Variants in COQ10B observed in about 807,000 individuals in gnomAD.
The protein encoded by COQ10B is coenzyme Q-binding protein COQ10 homolog B, mitochondrial.
A neutral mutation model predicts 27.6 loss-of-function variants in COQ10B; 12 were observed. That is an observed-to-expected ratio of 0.43 (90% CI 0.28 to 0.70). The LOEUF is 0.70. COQ10B is among the 30% of genes least tolerant of loss of function. COQ10B has a pLI of 0.17. For synonymous variants in COQ10B, 115 were observed against 103.0 expected (o/e 1.12, Z -0.71); for missense variants, 278 against 288.7 (o/e 0.96, Z 0.27).
intron 1 of COQ10B, among the ~76,000 whole-genome samples, chr2:197,459,098 T>A (rs2085730337): frequency 6.6e-6 from 1 of 152,238 alleles, no homozygotes; most frequent in Admixed American, 6.5e-5. Flanking sequence ...GACATGTTTT[T>A]ACATATATGC....
intron 3 of COQ10B, among the ~76,000 whole-genome samples, chr2:197,464,942 G>A (rs1286235796): frequency 1.3e-5 from 2 of 148,816 alleles, no homozygotes; most frequent in Non-Finnish European, 3.0e-5. Context: ...GGCGCTTCCA[G>A]TGGCGTGATC....
At chr2:197,464,022 CACACAT>C (rs1553574119) in intron 3 of COQ10B, among the ~76,000 whole-genome samples, 47 of 99,678 alleles carry the variant, frequency 4.7e-4, no homozygotes, top group African/African-American at 1.4e-3. Context: ...CACACACACA[CACACAT>C]ACATACACAC....
rs1451833231 is a variant in COQ10B, at chr2:197,473,635, G to A, written c.550-122G>A. The A allele has an allele frequency of 1.8e-5, 11 of 613,392 alleles. No homozygotes were observed. The East Asian group carries it at 1.9e-4, about 10-fold the overall frequency. 38.0% of individuals were successfully genotyped at this position (613,392 alleles called of 1,614,324 possible). ...CAGGAGGTTGAGGCTGCAGTGAGCC[G>A]CAATTGTGCCACTGCACTCCAACCT... On this transcript the variant is annotated intron_variant, in intron 4 of 4. Transcript: ENST00000263960.
chr2:197,464,082 T>C (rs2564388), intron 3 of COQ10B, among the ~76,000 whole-genome samples: 62,637 of 113,760 alleles, frequency 0.55, 15,100 homozygotes, highest in Middle Eastern at 0.7. Context: ...CACACACACA[T>C]ATATATATAT....
chr2:197,460,031 T>C lies in COQ10B; in HGVS notation c.204T>C (p.Thr68=). The C allele has an allele frequency of 6.2e-7, 1 of 1,611,690 alleles. No individual in the cohort carries two copies. Among genetic ancestry groups the C allele is most frequent in the East Asian group, 2.2e-5 (1 of 44,842 alleles). The change falls in exon 2 of 5, where the codon ACT becomes ACC. Residue 68 remains threonine (T), a synonymous_variant. Transcript: ENST00000263960. ...EICARTFFKI[T]APLINKRKEY... ...GTGCACGAACTTTCTTCAAAATCACTGCACCATTAATAAACAAAAGGAAAG... is the reference window on the plus strand; with the variant it reads ...GTGCACGAACTTTCTTCAAAATCACCGCACCATTAATAAACAAAAGGAAAG...
chr2:197,464,000 C>T (rs74180701), intron 3 of COQ10B, among the ~76,000 whole-genome samples: 4,299 of 78,748 alleles, frequency 0.055, 87 homozygotes, highest in Non-Finnish European at 0.081. Flanking sequence ...TATATATACA[C>T]ACACACACAC....
chr2:197,458,838 A>G (rs1051127856), intron 1 of COQ10B, among the ~76,000 whole-genome samples: 1 of 151,552 alleles, frequency 6.6e-6, no homozygotes, highest in Non-Finnish European at 1.5e-5. Flanking sequence ...CTGCCACCAC[A>G]CTCAGCTAAT....
rs1420158812 is a variant in COQ10B at position 197,474,127 on chromosome 2, T to G, written c.*203T>G. The stretch of plus-strand genomic sequence containing the variant: ...TCTTCAAGTATAATTCAAAATAATA[T>G]GGACATTATCATGTTCTGCATTACA... On this transcript the variant is annotated 3_prime_UTR_variant, in exon 5 of 5. Transcript: ENST00000263960. The G allele has an allele frequency of 2.7e-6, 1 of 367,164 alleles. No homozygotes were observed. The highest frequency in any genetic ancestry group is 4.8e-6 in the Non-Finnish European group (1 of 207,546). The allele number at this position is 367,164 out of a possible 1,614,324, so 22.7% of individuals were successfully genotyped here.
chr2:197,463,992 T>C (rs796227090), intron 3 of COQ10B, among the ~76,000 whole-genome samples: 6,605 of 65,016 alleles, frequency 0.1, 316 homozygotes, highest in Non-Finnish European at 0.14. Flanking sequence ...TATATATATA[T>C]ATATACACAC....
chr2:197,454,166 A>C, intron 1 of COQ10B: 1 of 1,528,666 alleles, frequency 6.5e-7, no homozygotes. Context: ...TACAGCCAGC[A>C]TAAGGGACTT....
rs2085935095 is a variant in COQ10B, at chr2:197,474,945, C to T, written c.*1021C>T. 1 of 151,098 alleles carries T rather than the reference C, an allele frequency of 6.6e-6. No individual in the cohort carries two copies. Among genetic ancestry groups the T allele is most frequent in the Non-Finnish European group, 1.5e-5 (1 of 67,894 alleles). 9.4% of individuals were successfully genotyped at this position (151,098 alleles called of 1,614,324 possible). On this transcript the variant is annotated 3_prime_UTR_variant, in exon 5 of 5. Coordinates refer to ENST00000263960, the MANE Select transcript of COQ10B (RefSeq NM_025147.5). The stretch of plus-strand genomic sequence containing the variant: ...ATTGTGTGTCAAATTTTGTCTACAA[C>T]AGTAGGCAACAGATGAAGATAAGTT...
chr2:197,461,275 T>A (rs561332719), intron 2 of COQ10B, among the ~76,000 whole-genome samples: 1 of 152,258 alleles, frequency 6.6e-6, no homozygotes, highest in African/African-American at 2.4e-5. Context: ...AAACCCAGGC[T>A]ACATCCAACT....
intron 2 of COQ10B, among the ~76,000 whole-genome samples, chr2:197,460,438 G>T (rs1308495802): frequency 6.6e-6 from 1 of 151,988 alleles, no homozygotes; most frequent in Non-Finnish European, 1.5e-5. Context: ...TGATCCACCT[G>T]CCTTGGCCTC....
intron 2 of COQ10B, among the ~76,000 whole-genome samples, chr2:197,460,883 A>G (rs1341539161): frequency 2.0e-5 from 3 of 152,234 alleles, no homozygotes; most frequent in African/African-American, 7.2e-5. Flanking sequence ...TTTATTTACA[A>G]AAACAGGCGA....
intron 3 of COQ10B, among the ~76,000 whole-genome samples, chr2:197,463,675 G>A (rs994004918): frequency 1.3e-5 from 2 of 149,954 alleles, no homozygotes; most frequent in African/African-American, 4.9e-5. Flanking sequence ...GCTCACGCCT[G>A]TAATCCCAGC....
At position 197,473,930 on chromosome 2, in the gene COQ10B, A is replaced by G; in HGVS notation, c.*6A>G. 1.4e-6 allele frequency: 2 copies of G among 1,475,184 alleles called. No homozygotes were observed. The highest frequency in any genetic ancestry group is 2.5e-5 in the East Asian group (1 of 40,594). The allele number at this position is 1,475,184 out of a possible 1,614,324, so 91.4% of individuals were successfully genotyped here. A position where few individuals can be genotyped will look rare whatever the true frequency, so the allele number is the denominator to read the frequency against. ...ATGAAGTCCATCACACATAAAGGCA[A>G]AAAAGAACTGGTGCCACCTGCTTCT... On this transcript the variant is annotated 3_prime_UTR_variant, in exon 5 of 5. Coordinates refer to ENST00000263960, the MANE Select transcript of COQ10B (RefSeq NM_025147.5).
At chr2:197,456,679 G>A (rs960134122) in intron 1 of COQ10B, among the ~76,000 whole-genome samples, 3 of 151,196 alleles carry the variant, frequency 2.0e-5, no homozygotes, top group Non-Finnish European at 2.9e-5. Flanking sequence ...GCAGGAGAAT[G>A]GCGTGAACCC....
intron 3 of COQ10B, among the ~76,000 whole-genome samples, chr2:197,463,255 C>T (rs933493840): frequency 1.3e-5 from 2 of 151,826 alleles, no homozygotes; most frequent in African/African-American, 2.4e-5. Flanking sequence ...GAGCGGATTA[C>T]GAGGTCAGGA....
chr2:197,473,456 A>ATATATGTATATATACACG (rs2085904809), intron 4 of COQ10B, among the ~76,000 whole-genome samples: 9 of 130,264 alleles, frequency 6.9e-5, no homozygotes, highest in Admixed American at 7.6e-5. Flanking sequence ...ATATATACAT[A>ATATATGTATATATACACG]TATATATATG....
Sources: gnomAD v4.1 joint callset for allele counts (sites outside exome capture counted in the v4.1 genomes callset) on GRCh38, gnomAD v4.1.1 for gene constraint, MANE v1.5 for transcripts, NCBI Gene and HGNC (gene_info 2026-07-23, HGNC 2026-07-21) for gene names.